PAX7: variants seen among roughly 807,000 people sequenced by gnomAD.
PAX7 encodes the protein paired box protein Pax-7.
In PAX7, 18 loss-of-function variants were observed where a neutral mutation model predicts 50.7. The ratio of observed to expected loss-of-function variants is 0.36; its 90% CI spans 0.25 to 0.53. PAX7 has a LOEUF of 0.53. Among genes scored for constraint, PAX7 ranks in the 20% least tolerant of loss-of-function variants. The pLI, the probability that PAX7 is intolerant of heterozygous loss-of-function variation, is 0.93. For missense variants in PAX7, 644 were observed against 702.9 expected, an observed-to-expected ratio of 0.92 and a Z score of 0.95; for synonymous variants, 310 against 290.4, an observed-to-expected ratio of 1.07 and a Z score of -0.69.
At chr1:18,651,259 C>T (rs2088425634) in intron 4 of PAX7, among the ~76,000 whole-genome samples, 1 of 152,048 alleles carries the variant, frequency 6.6e-6, no homozygotes. Flanking sequence ...TACATGATCC[C>T]TAAAAGTCTA....
chr1:18,678,854 C>T (rs1297814700), intron 4 of PAX7, among the ~76,000 whole-genome samples: 1 of 152,144 alleles, frequency 6.6e-6, no homozygotes, highest in Non-Finnish European at 1.5e-5. Context: ...CATGTTTGAG[C>T]CTGTGCAGGA....
rs928618796 is a variant in PAX7 at position 18,632,809 on chromosome 1, G to C, written c.85+1121G>C. ...TCCCTGAATTAGACAGAGGCGAAGA[G>C]AGCGGCTCCGTGATCAAGTGCGCGC... On this transcript the variant is annotated intron_variant, in intron 1 of 8. Coordinates refer to ENST00000420770, the MANE Select transcript of PAX7 (RefSeq NM_001135254.2). This position sits in a 1 kb window ranked among gnomAD's most constrained non-coding sequence, Gnocchi z 6.3. 6.6e-6 allele frequency among the ~76,000 whole-genome samples: 1 copy of C among 152,212 alleles called. No individual in the cohort carries two copies. The highest frequency in any genetic ancestry group is 2.1e-4 in the South Asian group (1 of 4,834).
intron 8 of PAX7, among the ~76,000 whole-genome samples, chr1:18,740,982 A>G (rs1931098930): frequency 6.6e-6 from 1 of 152,220 alleles, no homozygotes; most frequent in African/African-American, 2.4e-5. Flanking sequence ...TGGTTACTAG[A>G]GGCAGGGAAG....
intron 4 of PAX7, among the ~76,000 whole-genome samples, chr1:18,669,342 C>T (rs932036634): frequency 6.6e-5 from 10 of 152,126 alleles, no homozygotes; most frequent in South Asian, 2.1e-4. Flanking sequence ...GCTGGTGTCC[C>T]GAGTCAGTGG....
At chr1:18,698,877 G>C (rs113450086) in intron 5 of PAX7, among the ~76,000 whole-genome samples, 2 of 152,180 alleles carry the variant, frequency 1.3e-5, no homozygotes, top group African/African-American at 4.8e-5. Flanking sequence ...TTCCCACCCG[G>C]GAAGGATGGC....
intron 4 of PAX7, among the ~76,000 whole-genome samples, chr1:18,662,046 C>A (rs978474292): frequency 6.6e-6 from 1 of 151,238 alleles, no homozygotes; most frequent in East Asian, 2.0e-4. Context: ...ACAACCTGGT[C>A]TCTGCCTGCA....
chr1:18,642,971 G>T (rs947592882), intron 4 of PAX7, among the ~76,000 whole-genome samples: 15 of 151,860 alleles, frequency 9.9e-5, no homozygotes, highest in Non-Finnish European at 1.0e-4. Context: ...GGGAGGCGGG[G>T]GCCAAAGGAA....
At chr1:18,702,481 C>T (rs1399005607) in intron 6 of PAX7, among the ~76,000 whole-genome samples, 1 of 152,074 alleles carries the variant, frequency 6.6e-6, no homozygotes, top group East Asian at 1.9e-4. Flanking sequence ...TAAATTGAAC[C>T]AGTGTTGAGG....
intron 7 of PAX7, among the ~76,000 whole-genome samples, chr1:18,709,827 G>A (rs1190798408): frequency 1.3e-5 from 2 of 152,204 alleles, no homozygotes; most frequent in African/African-American, 2.4e-5. Context: ...GGTGAGGTTG[G>A]TCTGGTGGTC....
rs369015486 is a variant in PAX7, at chr1:18,715,455, A to G, written c.1155+12159A>G. On this transcript the variant is annotated intron_variant, in intron 7 of 8. Coordinates refer to ENST00000420770, the MANE Select transcript of PAX7 (RefSeq NM_001135254.2). ...GTCAGCTACATGAATTATCTCATTT[A>G]ATCGTTATAACATCCCCTTGGAGGA... Among the ~76,000 whole-genome samples the G allele has an allele frequency of 2.0e-5, 3 of 152,264 alleles. No homozygotes were observed. The East Asian group carries it at 5.8e-4, about 29-fold the overall frequency.
rs148834446 is a variant in PAX7, at chr1:18,650,017, G to C, written c.586+13646G>C. 3.6e-4 allele frequency among the ~76,000 whole-genome samples: 55 copies of C among 152,314 alleles called. 1 individual carries two copies. In the South Asian group the frequency reaches 3.7e-3, roughly 10 times the overall value. ...CTGTAATACTCTGGGCGTGTGTTTA[G>C]TGGAGGGGAAGCAGTGAAAAAACAG... On this transcript the variant is annotated intron_variant, in intron 4 of 8. Transcript: ENST00000420770.
chr1:18,637,847 A>T (rs995153692), intron 4 of PAX7, among the ~76,000 whole-genome samples: 22 of 152,194 alleles, frequency 1.4e-4, no homozygotes. Flanking sequence ...GAAGAAAGGG[A>T]GCCAGCTGTG....
chr1:18,679,261 A>T (rs116014888), intron 4 of PAX7, among the ~76,000 whole-genome samples: 1,698 of 152,192 alleles, frequency 0.011, 32 homozygotes, highest in African/African-American at 0.038. Flanking sequence ...GCCCAAAGCC[A>T]TTTTCCATCT....
At chr1:18,744,659 C>CGGATGGATGGATGGATGGATGGAT (rs57915192) in intron 8 of PAX7, among the ~76,000 whole-genome samples, 155 bp from the exon 9 acceptor site, 68 of 90,994 alleles carry the variant, frequency 7.5e-4, no homozygotes, top group South Asian at 1.5e-3. Flanking sequence ...GTAGACAGGA[C>CGGATGGATGGATGGATGGATGGAT]GGATGGATGG....
intron 7 of PAX7, among the ~76,000 whole-genome samples, chr1:18,712,511 G>A (rs991972941): frequency 4.0e-4 from 61 of 152,254 alleles, no homozygotes; most frequent in African/African-American, 1.1e-3. Flanking sequence ...AACCCCTCCC[G>A]GAAAGAAAGG....
intron 4 of PAX7, among the ~76,000 whole-genome samples, chr1:18,687,444 A>G (rs1414459405): frequency 1.3e-5 from 2 of 152,024 alleles, no homozygotes; most frequent in African/African-American, 4.8e-5. Context: ...CTTCCCGCCA[A>G]TCCCTCTCCA....
At chr1:18,655,355 C>T (rs1227377610) in intron 4 of PAX7, among the ~76,000 whole-genome samples, 1 of 152,176 alleles carries the variant, frequency 6.6e-6, no homozygotes, top group African/African-American at 2.4e-5. Flanking sequence ...CAAACAAGTG[C>T]CAAACTGGGT....
At chr1:18,660,852 G>C (rs1557515242) in intron 4 of PAX7, among the ~76,000 whole-genome samples, 4 of 152,184 alleles carry the variant, frequency 2.6e-5, no homozygotes, top group Admixed American at 2.0e-4. Context: ...TGGAGGATGA[G>C]TTAGGGGAGA....
intron 8 of PAX7, among the ~76,000 whole-genome samples, chr1:18,736,356 T>C (rs959318019): frequency 2.0e-5 from 3 of 150,700 alleles, no homozygotes; most frequent in African/African-American, 7.3e-5. Context: ...TCCCAGCTAC[T>C]CAAGTAGGTG....
Sources: gnomAD v4.1 joint callset for allele counts (sites outside exome capture counted in the v4.1 genomes callset) on GRCh38, gnomAD v4.1.1 for gene constraint, Gnocchi (gnomAD v3.1) non-coding constraint, MANE v1.5 for transcripts, NCBI Gene and HGNC (gene_info 2026-07-23, HGNC 2026-07-21) for gene names.